The following JAKMIP1 variants were observed in gnomAD, a reference collection of about 807,000 sequenced individuals.
JAKMIP1 encodes janus kinase and microtubule-interacting protein 1.
A neutral mutation model predicts 113.0 loss-of-function variants in JAKMIP1; 33 were observed. The ratio of observed to expected loss-of-function variants is 0.29; its 90% confidence interval spans 0.22 to 0.39. JAKMIP1 has a LOEUF of 0.39. Among genes scored for constraint, JAKMIP1 ranks in the 10% least tolerant of loss-of-function variants. The pLI, the probability that JAKMIP1 is intolerant of heterozygous loss-of-function variation, is 1.00. For missense variants in JAKMIP1, 813 were observed against 1,080.5 expected, an observed-to-expected ratio of 0.75 and a Z score of 3.47; for synonymous variants, 480 against 459.9, an observed-to-expected ratio of 1.04 and a Z score of -0.56.
At chr4:6,053,890 T>C (rs530328146) in intron 13 of JAKMIP1, 160 bp downstream of exon 13, 2 of 1,521,222 alleles carry the variant, frequency 1.3e-6, no homozygotes, top group Non-Finnish European at 1.8e-6. Flanking sequence ...ATTCTGAACA[T>C]ACAGATTTAA....
At chr4:6,101,833 G>A (rs1487402461) in intron 3 of JAKMIP1, among the ~76,000 whole-genome samples, 4 of 151,272 alleles carry the variant, frequency 2.6e-5, no homozygotes. Context: ...TTGAACCCAG[G>A]AGGCAGAAGT....
At chr4:6,109,350 G>T (rs1238846625) in intron 2 of JAKMIP1, among the ~76,000 whole-genome samples, 1 of 151,700 alleles carries the variant, frequency 6.6e-6, no homozygotes, top group Admixed American at 6.6e-5. Flanking sequence ...AGCCAGGATG[G>T]TCTCGATCTC....
intron 7 of JAKMIP1, among the ~76,000 whole-genome samples, chr4:6,079,746 T>C (rs1445230764): frequency 6.6e-6 from 1 of 152,178 alleles, no homozygotes; most frequent in Non-Finnish European, 1.5e-5. Flanking sequence ...GGTCTGGTTA[T>C]AAGGTTCAAG....
At chr4:6,033,138 C>T (rs1057246471) in intron 19 of JAKMIP1, among the ~76,000 whole-genome samples, 1 of 152,236 alleles carries the variant, frequency 6.6e-6, no homozygotes, top group Admixed American at 6.5e-5. Flanking sequence ...GATGTTTTCA[C>T]ATCCTCTTCT....
At chr4:6,045,022 G>A (rs1560105488) in intron 16 of JAKMIP1, among the ~76,000 whole-genome samples, 1 of 152,266 alleles carries the variant, frequency 6.6e-6, no homozygotes, top group African/African-American at 2.4e-5. Flanking sequence ...CAGGGTGGGG[G>A]CTGCTCTCCG....
Position 6,192,844 on chromosome 4 carries a change from G to A in JAKMIP1, c.-148+7409C>T, listed in dbSNP as rs1438430062. 2.0e-5 allele frequency among the ~76,000 whole-genome samples: 3 copies of A among 152,278 alleles called. No individual in the cohort carries two copies. The East Asian group carries it at 5.8e-4, about 29-fold the overall frequency. ...GAACCAGGGGCACAGCCGCTATCTG[G>A]GACAGTCAAAGACCTCCCCAAGGAG... On this transcript the variant is annotated intron_variant, in intron 1 of 20. Coordinates refer to ENST00000409021, the MANE Select transcript of JAKMIP1 (RefSeq NM_001099433.2). This position sits in a 1 kb window ranked among gnomAD's most constrained non-coding sequence, Gnocchi z 5.0.
chr4:6,085,414 C>T lies in JAKMIP1; in HGVS notation c.834+6G>A. The T allele has an allele frequency of 1.9e-6, 3 of 1,611,552 alleles. No homozygotes were observed. The highest frequency in any genetic ancestry group is 2.5e-6 in the Non-Finnish European group (3 of 1,179,686). On this transcript the variant is annotated splice_donor_region_variant and intron_variant, in intron 4 of 20. Coordinates refer to ENST00000409021, the MANE Select transcript of JAKMIP1 (RefSeq NM_001099433.2). The stretch of plus-strand genomic sequence containing the variant: ...CCTGAGGCTGGCACAAGCTGCTGCC[C>T]CTCACCTGGACGCCCATGAGCTCCA...
chr4:6,057,684 T>C (rs1716673116), intron 11 of JAKMIP1, among the ~76,000 whole-genome samples: 1 of 152,192 alleles, frequency 6.6e-6, no homozygotes, highest in South Asian at 2.1e-4. Context: ...CCCTCCCACC[T>C]CTGTGTGCAC....
intron 5 of JAKMIP1, 22 bp downstream of exon 5, chr4:6,084,824 C>A: frequency 6.2e-7 from 1 of 1,607,504 alleles, no homozygotes; most frequent in Non-Finnish European, 8.5e-7. Context: ...TGAGGCACCG[C>A]CTGTCTCTTG....
intron 8 of JAKMIP1, among the ~76,000 whole-genome samples, chr4:6,073,055 G>A (rs1442017577): frequency 2.0e-5 from 3 of 149,754 alleles, no homozygotes; most frequent in Admixed American, 6.7e-5. Flanking sequence ...TCCAACCTGG[G>A]CGACAGAGAG....
chr4:6,095,152 G>C (rs971367937), intron 3 of JAKMIP1, among the ~76,000 whole-genome samples: 3 of 149,782 alleles, frequency 2.0e-5, no homozygotes, highest in African/African-American at 7.4e-5. Flanking sequence ...AAAAAGAAAG[G>C]AGCAAAGGAA....
chr4:6,065,571 G>A lies in JAKMIP1; in HGVS notation c.1303-563C>T, dbSNP rs1284023521. 2.0e-5 allele frequency among the ~76,000 whole-genome samples: 3 copies of A among 152,188 alleles called. No individual in the cohort carries two copies. Among genetic ancestry groups the A allele is most frequent in the African/African-American group, 4.8e-5 (2 of 41,442 alleles). On this transcript the variant is annotated intron_variant, in intron 8 of 20. Transcript: ENST00000409021. This position sits in a 1 kb window ranked among gnomAD's most constrained non-coding sequence, Gnocchi z 5.1. ...ACTCTGACTAGTGTGGCAAATGTGTGGCCCAAGTCCTGGCCAGACCCACAC... is the reference window on the plus strand; with the variant it reads ...ACTCTGACTAGTGTGGCAAATGTGTAGCCCAAGTCCTGGCCAGACCCACAC...
rs996981796 is a variant in JAKMIP1 at position 6,059,312 on chromosome 4, G to A, written c.1644+1112C>T. ...CCATGGGAACCTCAGTCTCAACCCCGAGCCCTGCGGCAGCCATTCTGAGCT... is the reference window on the plus strand; with the variant it reads ...CCATGGGAACCTCAGTCTCAACCCCAAGCCCTGCGGCAGCCATTCTGAGCT... On this transcript the variant is annotated intron_variant, in intron 11 of 20. Transcript: ENST00000409021. This position sits in a 1 kb window ranked among gnomAD's most constrained non-coding sequence, Gnocchi z 4.8. Among the ~76,000 whole-genome samples, 9 of 152,152 alleles carry A rather than the reference G, an allele frequency of 5.9e-5. No individual in the cohort carries two copies. The highest frequency in any genetic ancestry group is 1.9e-4 in the African/African-American group (8 of 41,432).
At position 6,088,851 on chromosome 4, in the gene JAKMIP1, C is replaced by G. The variant is rs987174458; in HGVS notation, c.625-3222G>C. On this transcript the variant is annotated intron_variant, in intron 3 of 20. Coordinates refer to ENST00000409021, the MANE Select transcript of JAKMIP1 (RefSeq NM_001099433.2). The surrounding 1 kb of genome is among the most constrained non-coding windows in gnomAD (Gnocchi z 5.5). ...ATGGAACATCCCTCAGCTTCCTTCC[C>G]GCATCCATTTCCCCTTCTCCCATAC... Among the ~76,000 whole-genome samples, 1 of 152,140 alleles carries G rather than the reference C, an allele frequency of 6.6e-6. No homozygotes were observed. Among genetic ancestry groups the G allele is most frequent in the Non-Finnish European group, 1.5e-5 (1 of 68,032 alleles).
intron 18 of JAKMIP1, among the ~76,000 whole-genome samples, chr4:6,036,378 C>G (rs536040183): frequency 6.6e-6 from 1 of 152,310 alleles, no homozygotes; most frequent in Non-Finnish European, 1.5e-5. Flanking sequence ...AAAAAGTAAT[C>G]ATAGCATTCC....
In JAKMIP1 at chr4:6,176,991, G is replaced by C. The variant is rs1446849189; in HGVS notation, c.-148+23262C>G. Among the ~76,000 whole-genome samples the C allele has an allele frequency of 6.6e-6, 1 of 152,128 alleles. No individual in the cohort carries two copies. The highest frequency in any genetic ancestry group is 2.4e-5 in the African/African-American group (1 of 41,444). On this transcript the variant is annotated intron_variant, in intron 1 of 20. Transcript: ENST00000409021. This position sits in a 1 kb window ranked among gnomAD's most constrained non-coding sequence, Gnocchi z 5.5. ...GAGGCTGCAGTGAGCCATGATTTGT[G>C]CCACTGCACTCCAGCCTGGGTGACA...
chr4:6,161,332 C>T (rs1419435210), intron 1 of JAKMIP1, among the ~76,000 whole-genome samples: 1 of 144,240 alleles, frequency 6.9e-6, no homozygotes, highest in African/African-American at 2.9e-5. Context: ...ACTCACCTCC[C>T]CTAGCCTCCA....
chr4:6,054,224 A>G, intron 12 of JAKMIP1, 76 bp from the exon 13 acceptor site: 1 of 1,441,704 alleles, frequency 6.9e-7, no homozygotes, highest in Non-Finnish European at 9.7e-7. Flanking sequence ...CACCTGACTG[A>G]GTGGCTGGAG....
rs1484083816 is a variant in JAKMIP1 at position 6,187,431 on chromosome 4, A to G, written c.-148+12822T>C. On this transcript the variant is annotated intron_variant, in intron 1 of 20. Coordinates refer to ENST00000409021, the MANE Select transcript of JAKMIP1 (RefSeq NM_001099433.2). This position sits in a 1 kb window ranked among gnomAD's most constrained non-coding sequence, Gnocchi z 4.2. ...AGTGCTATGATCTGAATGTTTATGT[A>G]CCCCCAGAATTCATATGTTTCTAGT... is the stretch of plus-strand genomic sequence containing the variant. Among the ~76,000 whole-genome samples the G allele has an allele frequency of 6.6e-6, 1 of 152,170 alleles. No homozygotes were observed. Among genetic ancestry groups the G allele is most frequent in the African/African-American group, 2.4e-5 (1 of 41,448 alleles).
Sources: gnomAD v4.1 joint callset for allele counts (sites outside exome capture counted in the v4.1 genomes callset) on GRCh38, gnomAD v4.1.1 for gene constraint, Gnocchi (gnomAD v3.1) non-coding constraint, MANE v1.5 for transcripts, NCBI Gene and HGNC (gene_info 2026-07-23, HGNC 2026-07-21) for gene names.